Variants in COBL observed in about 807,000 individuals in gnomAD.
COBL encodes cordon-bleu WH2 repeat protein.
COBL carries 51 observed loss-of-function variants against 98.8 expected under a neutral mutation model. The observed-to-expected ratio is 0.52, with a 90% CI of 0.41 to 0.65. The LOEUF (loss-of-function observed/expected upper bound fraction) is 0.65, where lower values mean the gene tolerates loss of function less well. Ranked by LOEUF, COBL falls within the 30% of genes least tolerant of loss-of-function variation. The pLI is 0.00. For missense variants in COBL, 1,617 were observed against 1,617.5 expected (o/e 1.00, Z 0.01); for synonymous variants, 634 against 651.7 (o/e 0.97, Z 0.41).
intron 1 of COBL, among the ~76,000 whole-genome samples, chr7:51,305,805 C>CA (rs11449722): frequency 0.55 from 83,828 of 151,676 alleles, 23,532 homozygotes; most frequent in African/African-American, 0.65. Context: ...GAGGCCAAGG[C>CA]GGTGGATCAC....
intron 7 of COBL, among the ~76,000 whole-genome samples, chr7:51,057,155 T>C (rs1047794446): frequency 2.6e-5 from 4 of 152,184 alleles, no homozygotes; most frequent in African/African-American, 4.8e-5. Context: ...CAGGGGCCCT[T>C]ACTGTACTTA....
At chr7:51,269,423 G>C (rs1031923070) in intron 1 of COBL, among the ~76,000 whole-genome samples, 2 of 152,204 alleles carry the variant, frequency 1.3e-5, no homozygotes, top group Non-Finnish European at 2.9e-5. Flanking sequence ...CGTGCTGCTG[G>C]TAAGTGGCAC....
chr7:51,027,692 C>G lies in COBL; in HGVS notation c.3384+20G>C, dbSNP rs1588256377. 1.9e-6 allele frequency: 3 copies of G among 1,593,706 alleles called. No homozygotes were observed. The highest frequency in any genetic ancestry group is 1.7e-5 in the Admixed American group (1 of 58,732). ...AGTGGGCAGGTGTGGAAGGCCTGCC[C>G]CGGAAGCCGCCATCCTCACCTTGCG... On this transcript the variant is annotated intron_variant, in intron 10 of 12. Transcript: ENST00000265136.
chr7:51,200,696 A>T (rs1563029065), intron 2 of COBL, among the ~76,000 whole-genome samples: 1 of 152,208 alleles, frequency 6.6e-6, no homozygotes, highest in Non-Finnish European at 1.5e-5. Flanking sequence ...AACCACAAAG[A>T]AAGATACCAA....
intron 5 of COBL, among the ~76,000 whole-genome samples, chr7:51,180,150 T>C (rs1320593650): frequency 6.6e-6 from 1 of 152,244 alleles, no homozygotes; most frequent in Non-Finnish European, 1.5e-5. Context: ...CAAGACACAT[T>C]GAAAGCACTG....
chr7:51,175,541 C>T (rs1190190126), intron 5 of COBL, among the ~76,000 whole-genome samples: 3 of 152,176 alleles, frequency 2.0e-5, no homozygotes, highest in Admixed American at 1.3e-4. Context: ...TTTGATACAT[C>T]GTTAATGTTC....
At chr7:51,065,447 A>G (rs1301208189) in intron 7 of COBL, 2 of 699,240 alleles carry the variant, frequency 2.9e-6, no homozygotes, top group East Asian at 5.4e-5. Flanking sequence ...GCTGCTCCAT[A>G]AACTGTAGGG....
intron 1 of COBL, among the ~76,000 whole-genome samples, chr7:51,286,785 G>T (rs1800407882): frequency 6.6e-6 from 1 of 152,086 alleles, no homozygotes; most frequent in African/African-American, 2.4e-5. Context: ...AGAAACCATT[G>T]TGCCAAAAAG....
Position 51,028,703 on chromosome 7 carries a change from G to A in COBL, c.2393C>T (p.Thr798Met), listed in dbSNP as rs199755175. 1.1e-5 allele frequency: 17 copies of A among 1,613,748 alleles called. No homozygotes were observed. Among genetic ancestry groups the A allele is most frequent in the African/African-American group, 8.0e-5 (6 of 75,028 alleles). ...TCTGCTCTCTGGATTCTGCGTCTGC[G>A]TGGGCACAGGGGTGGAGGGGGGTCC... ...ARGPPSTPVP[T>M]QTQNPESRLQ... The change falls in exon 10 of 13, where the codon ACG (threonine) becomes ATG (methionine). Residue 798 changes from threonine to methionine, a missense_variant. This residue lies in a region of COBL where 1,304 missense variants were observed against 1,282.0 expected (regional missense o/e 1.02). Coordinates refer to ENST00000265136, the MANE Select transcript of COBL (RefSeq NM_015198.5).
intron 5 of COBL, among the ~76,000 whole-genome samples, chr7:51,163,285 T>G (rs183022218): frequency 6.6e-6 from 1 of 152,300 alleles, no homozygotes; most frequent in Non-Finnish European, 1.5e-5. Flanking sequence ...ATTACGTCAC[T>G]AACATCCTTA....
chr7:51,311,189 G>C (rs766941287), intron 1 of COBL, among the ~76,000 whole-genome samples: 1 of 152,184 alleles, frequency 6.6e-6, no homozygotes, highest in Non-Finnish European at 1.5e-5. Context: ...AATGTTTTTA[G>C]CTGGGGGATT....
rs557072704 is a variant in COBL, at chr7:51,271,898, G to A, written c.41+44695C>T. 1.3e-5 allele frequency among the ~76,000 whole-genome samples: 2 copies of A among 152,098 alleles called. 1 individual carries two copies. Among genetic ancestry groups the A allele is most frequent in the South Asian group, 4.2e-4 (2 of 4,800 alleles). On this transcript the variant is annotated intron_variant, in intron 1 of 12. Transcript: ENST00000265136. ...ATACAAAAATTATGGGCATGGTGGC[G>A]TGTGCCTGTAATCCCAGCTACTCGG...
At chr7:51,144,193 G>A (rs1286064342) in intron 5 of COBL, among the ~76,000 whole-genome samples, 1 of 152,186 alleles carries the variant, frequency 6.6e-6, no homozygotes, top group Non-Finnish European at 1.5e-5. Context: ...CTAAACTCCA[G>A]GCTCAGAAAA....
At chr7:51,119,977 A>G (rs751610445) in intron 6 of COBL, among the ~76,000 whole-genome samples, 1 of 152,222 alleles carries the variant, frequency 6.6e-6, no homozygotes, top group Non-Finnish European at 1.5e-5. Context: ...CCTCTAAACC[A>G]GTAGATCTCA....
At chr7:51,074,346 C>T (rs191735650) in intron 7 of COBL, among the ~76,000 whole-genome samples, 120 of 152,154 alleles carry the variant, frequency 7.9e-4, no homozygotes, top group African/African-American at 2.6e-3. Flanking sequence ...TAGGCATGCA[C>T]CGCCATGCCT....
At chr7:51,196,971 A>C (rs1445460288) in intron 2 of COBL, among the ~76,000 whole-genome samples, 1 of 151,998 alleles carries the variant, frequency 6.6e-6, no homozygotes, top group African/African-American at 2.4e-5. Flanking sequence ...TCAAAAAAAA[A>C]ACAGCTCCAG....
At chr7:51,193,769 T>C (rs1790341753) in intron 2 of COBL, among the ~76,000 whole-genome samples, 180 bp from the exon 3 acceptor site, 1 of 152,192 alleles carries the variant, frequency 6.6e-6, no homozygotes, top group East Asian at 1.9e-4. Context: ...TATGTTAACA[T>C]TTTCAGCACT....
At chr7:51,227,115 C>T (rs1794281651) in intron 1 of COBL, among the ~76,000 whole-genome samples, 2 of 152,120 alleles carry the variant, frequency 1.3e-5, no homozygotes, top group Non-Finnish European at 2.9e-5. Context: ...ACGCTGGTGC[C>T]CTGCAGTGCC....
chr7:51,088,526 G>A (rs1194389871), intron 6 of COBL, among the ~76,000 whole-genome samples: 1 of 151,920 alleles, frequency 6.6e-6, no homozygotes, highest in East Asian at 1.9e-4. Context: ...TATGCTTTAT[G>A]CTTTATATCT....
Sources: gnomAD v4.1 joint callset for allele counts (sites outside exome capture counted in the v4.1 genomes callset) on GRCh38, gnomAD v4.1.1 for gene constraint, gnomAD v4.1.1 regional missense constraint, MANE v1.5 for transcripts, NCBI Gene and HGNC (gene_info 2026-07-23, HGNC 2026-07-21) for gene names.